The following COL4A1 variants were observed in gnomAD, a reference collection of about 807,000 sequenced individuals.
COL4A1 encodes collagen type IV alpha 1 chain.
A neutral mutation model predicts 216.6 loss-of-function variants in COL4A1; 40 were observed. That is an observed-to-expected ratio of 0.18 (90% CI 0.14 to 0.24). The LOEUF (loss-of-function observed/expected upper bound fraction) is 0.24. Ranked by LOEUF, COL4A1 falls within the 10% of genes least tolerant of loss-of-function variation. The pLI, the probability that COL4A1 is intolerant of heterozygous loss-of-function variation, is 1.00. For missense variants in COL4A1, 1,628 were observed against 2,196.8 expected, an observed-to-expected ratio of 0.74 and a Z score of 5.18; for synonymous variants, 839 against 810.7, an observed-to-expected ratio of 1.03 and a Z score of -0.59.
chr13:110,206,481 G>A (rs971841233), intron 15 of COL4A1, among the ~76,000 whole-genome samples, 184 bp downstream of exon 15: 2 of 152,210 alleles, frequency 1.3e-5, no homozygotes, highest in Admixed American at 6.5e-5. Context: ...GAAGGACCTC[G>A]CCTGCCTGGG....
At chr13:110,231,862 C>G (rs948492827) in intron 2 of COL4A1, among the ~76,000 whole-genome samples, 4 of 152,180 alleles carry the variant, frequency 2.6e-5, no homozygotes, top group African/African-American at 9.7e-5. Context: ...GATTTCTCAC[C>G]TAGGAGGGCA....
At chr13:110,179,450 A>T (rs1878051383) in intron 29 of COL4A1, 29 bp from the exon 30 acceptor site, 1 of 1,613,814 alleles carries the variant, frequency 6.2e-7, no homozygotes, top group Admixed American at 1.7e-5. Flanking sequence ...CAGAGAAGCA[A>T]ATTGATTTGC....
At chr13:110,205,996 C>T (rs1879496778) in intron 15 of COL4A1, among the ~76,000 whole-genome samples, 2 of 151,948 alleles carry the variant, frequency 1.3e-5, no homozygotes, top group South Asian at 4.2e-4. Flanking sequence ...GACAATACCA[C>T]AATAATAAGT....
intron 17 of COL4A1, among the ~76,000 whole-genome samples, chr13:110,204,158 A>C (rs1033735610): frequency 1.3e-4 from 20 of 152,280 alleles, no homozygotes; most frequent in African/African-American, 4.8e-4. Context: ...TAGATGAAAA[A>C]CTCAAAGAAA....
At chr13:110,219,766 A>G in intron 2 of COL4A1, among the ~76,000 whole-genome samples, 1 of 133,832 alleles carries the variant, frequency 7.5e-6, no homozygotes, top group African/African-American at 2.6e-5. Flanking sequence ...ATATGCGTAT[A>G]TATGTATATA....
At chr13:110,243,787 T>C (rs1411972432) in intron 1 of COL4A1, among the ~76,000 whole-genome samples, 1 of 152,236 alleles carries the variant, frequency 6.6e-6, no homozygotes, top group Non-Finnish European at 1.5e-5. Context: ...CATTTCAAGA[T>C]AGGTAGTGCC....
chr13:110,303,733 C>T (rs1003372999), intron 1 of COL4A1, among the ~76,000 whole-genome samples: 2 of 152,228 alleles, frequency 1.3e-5, no homozygotes, highest in Admixed American at 6.5e-5. Flanking sequence ...ATTTACCAGC[C>T]TGACTTGGAT....
chr13:110,306,897 C>A, intron 1 of COL4A1, 47 bp downstream of exon 1: 1 of 1,426,316 alleles, frequency 7.0e-7, no homozygotes, highest in South Asian at 1.4e-5. Context: ...CTCGGGGCGC[C>A]CAAGCTCGGG....
At chr13:110,193,137 C>G (rs1452366784) in intron 22 of COL4A1, among the ~76,000 whole-genome samples, 1 of 152,228 alleles carries the variant, frequency 6.6e-6, no homozygotes, top group African/African-American at 2.4e-5. Flanking sequence ...GCCCCCAGCA[C>G]GCGTCACGTG....
rs369115670 is a variant in COL4A1, at chr13:110,300,390, T to C, written c.84+6554A>G. Among the ~76,000 whole-genome samples, 11 of 152,356 alleles carry C rather than the reference T, an allele frequency of 7.2e-5. No homozygotes were observed. In the South Asian group the frequency reaches 2.1e-3, roughly 29 times the overall value. On this transcript the variant is annotated intron_variant, in intron 1 of 51. Transcript: ENST00000375820. ...GGCTGCTGGGAAAAGTTTGTGGAAA[T>C]AGCTTTCAAAACATTGAATTACAGC...
Position 110,166,256 on chromosome 13 carries a change from C to G in COL4A1, c.3997G>C (p.Asp1333His). The G allele has an allele frequency of 6.2e-7, 1 of 1,611,706 alleles. No individual in the cohort carries two copies. Among genetic ancestry groups the G allele is most frequent in the African/African-American group, 1.3e-5 (1 of 74,978 alleles). The change falls in exon 45 of 52, where the codon GAT becomes CAT. Residue 1333 changes from aspartate (D) to histidine (H), a missense_variant. By Grantham distance (81) the Asp-to-His change is moderately conservative (BLOSUM62 -1). Coordinates refer to ENST00000375820, the MANE Select transcript of COL4A1 (RefSeq NM_001845.6). ...CCTTTAGCTCCCGGGACGCCTTGAT[C>G]GCCTTGATCACCTTTAATTCCCTGG... The part of the protein sequence containing the change: ...GLQGIKGDQG[D>H]QGVPGAKGLP...
chr13:110,161,272 C>A lies in COL4A1; in HGVS notation c.4560G>T (p.Ser1520=). ...TGGGCTCAGGGGTGGACAGCCAGTA[C>A]GAGTAGTCATTTCGTGATGCAAAGT... ...VCNFASRNDY[S]YWLSTPEPMP... The change falls in exon 49 of 52, where the codon TCG becomes TCT. Residue 1520 remains serine, a synonymous_variant. Transcript: ENST00000375820. 1 of 1,614,116 alleles carries A rather than the reference C, an allele frequency of 6.2e-7. No individual in the cohort carries two copies. Among genetic ancestry groups the A allele is most frequent in the Non-Finnish European group, 8.5e-7 (1 of 1,180,034 alleles).
chr13:110,211,615 A>T lies in COL4A1; in HGVS notation c.468+32T>A. The T allele has an allele frequency of 6.2e-7, 1 of 1,604,642 alleles. No homozygotes were observed. The highest frequency in any genetic ancestry group is 2.2e-5 in the East Asian group (1 of 44,798). On this transcript the variant is annotated intron_variant, in intron 8 of 51. Transcript: ENST00000375820. This position sits in a 1 kb window ranked among gnomAD's most constrained non-coding sequence, Gnocchi z 4.3. ...TGTTGTAAACAGATTCCCTGTAATGAATCCAATAAAGCAAAATAAAATAAA... is the reference window on the plus strand; with the variant it reads ...TGTTGTAAACAGATTCCCTGTAATGTATCCAATAAAGCAAAATAAAATAAA...
At chr13:110,176,217 A>G (rs910470305) in intron 36 of COL4A1, among the ~76,000 whole-genome samples, 2 of 152,172 alleles carry the variant, frequency 1.3e-5, no homozygotes, top group Admixed American at 1.3e-4. Flanking sequence ...TTAGATGGTG[A>G]GTTTTCTTAG....
chr13:110,178,200 G>T lies in COL4A1; in HGVS notation c.2490C>A (p.Phe830Leu). The change falls in exon 32 of 52, where the codon TTC becomes TTA. Residue 830 changes from phenylalanine (F) to leucine (L), a missense_variant. Physicochemically the swap from Phe to Leu is conservative, Grantham distance 22. Coordinates refer to ENST00000375820, the MANE Select transcript of COL4A1 (RefSeq NM_001845.6). ...GCATGTCCAGTCCAGGGAATCCGGG[G>T]AAACCCTTCTCTCCTTTTATTCCAG... ...GPPGIKGEKG[F>L]PGFPGLDMPG... The T allele has an allele frequency of 6.2e-7, 1 of 1,614,116 alleles. No homozygotes were observed. Among genetic ancestry groups the T allele is most frequent in the Non-Finnish European group, 8.5e-7 (1 of 1,180,044 alleles).
At chr13:110,283,300 T>G (rs182124867) in intron 1 of COL4A1, among the ~76,000 whole-genome samples, 4 of 152,358 alleles carry the variant, frequency 2.6e-5, no homozygotes, top group Non-Finnish European at 1.5e-5. Flanking sequence ...AAATTTTATG[T>G]CAGCAGCTAG....
At chr13:110,154,792 C>CTGGTCATATAGAGAAGCTAG (rs1876697376) in intron 50 of COL4A1, among the ~76,000 whole-genome samples, 5 of 48,508 alleles carry the variant, frequency 1.0e-4, no homozygotes, top group Non-Finnish European at 1.3e-4. Context: ...AGAGAAGCTG[C>CTGGTCATATAGAGAAGCTAG]TCAAAGATGG....
Position 110,263,496 on chromosome 13 carries a change from C to T in COL4A1, c.85-20762G>A, listed in dbSNP as rs554132202. Among the ~76,000 whole-genome samples, 5 of 152,254 alleles carry T rather than the reference C, an allele frequency of 3.3e-5. No homozygotes were observed. In the East Asian group the frequency reaches 7.7e-4, roughly 24 times the overall value. ...GCATATGGGATCTCGCTCTGTTGCC[C>T]AGGCTGGAGTGCAGTGCTGTAGTTG... On this transcript the variant is annotated intron_variant, in intron 1 of 51. Coordinates refer to ENST00000375820, the MANE Select transcript of COL4A1 (RefSeq NM_001845.6).
At chr13:110,293,795 C>A (rs545520155) in intron 1 of COL4A1, among the ~76,000 whole-genome samples, 1 of 152,190 alleles carries the variant, frequency 6.6e-6, no homozygotes, top group Admixed American at 6.5e-5. Context: ...TTATTAACAG[C>A]GTGTCACTGT....
Sources: gnomAD v4.1 joint callset for allele counts (sites outside exome capture counted in the v4.1 genomes callset) on GRCh38, gnomAD v4.1.1 for gene constraint, Gnocchi (gnomAD v3.1) non-coding constraint, MANE v1.5 for transcripts, NCBI Gene and HGNC (gene_info 2026-07-23, HGNC 2026-07-21) for gene names.